SORCS2: variants seen among roughly 807,000 people sequenced by gnomAD.
SORCS2 encodes sortilin related VPS10 domain containing receptor 2, also known as VPS10 domain-containing receptor SorCS2.
A neutral mutation model predicts 141.6 loss-of-function variants in SORCS2; 100 were observed. The ratio of observed to expected loss-of-function variants is 0.71; its 90% confidence interval spans 0.60 to 0.83. The LOEUF (loss-of-function observed/expected upper bound fraction) is 0.83, where lower values mean the gene tolerates loss of function less well. Among genes scored for constraint, SORCS2 ranks in the 40% least tolerant of loss-of-function variants. The probability of loss-of-function intolerance (pLI) is 0.00; values close to 1 mark genes in which losing one functional copy is unlikely to be tolerated. For missense variants in SORCS2, 1,646 were observed against 1,560.2 expected (o/e 1.05, Z -0.93); for synonymous variants, 789 against 676.9 (o/e 1.17, Z -2.57).
At chr4:7,217,618 G>C (rs57861290) in intron 1 of SORCS2, among the ~76,000 whole-genome samples, 39,996 of 152,132 alleles carry the variant, frequency 0.26, 5,678 homozygotes, top group East Asian at 0.45. Flanking sequence ...TCCCCAGGGT[G>C]GGGCAGAGTG....
chr4:7,671,395 T>C (rs1216520980), intron 8 of SORCS2, among the ~76,000 whole-genome samples: 1 of 151,720 alleles, frequency 6.6e-6, no homozygotes, highest in Non-Finnish European at 1.5e-5. Flanking sequence ...AGATGGCAGA[T>C]CTACTAGACA....
chr4:7,193,180 C>T lies in SORCS2; in HGVS notation c.480+54C>T. On this transcript the variant is annotated intron_variant, in intron 1 of 26. Coordinates refer to ENST00000507866, the MANE Select transcript of SORCS2 (RefSeq NM_020777.3). The surrounding 1 kb of genome is among the most constrained non-coding windows in gnomAD (Gnocchi z 4.8). ...CCCCTACCCGGGACACCGCGGGACA[C>T]CCGGGCGGGACCGCCACGGCCCCCA... 7.0e-7 allele frequency: 1 copy of T among 1,424,832 alleles called. No individual in the cohort carries two copies. The allele number at this position is 1,424,832 out of a possible 1,614,324, so 88.3% of individuals were successfully genotyped here.
At chr4:7,291,167 T>C (rs3846424) in intron 1 of SORCS2, among the ~76,000 whole-genome samples, 112,974 of 151,980 alleles carry the variant, frequency 0.74, 42,053 homozygotes, top group Middle Eastern at 0.83. Flanking sequence ...TGAATAGAGG[T>C]GAGAGAAGGG....
chr4:7,642,093 C>T (rs1390723166), intron 4 of SORCS2, among the ~76,000 whole-genome samples: 2 of 152,116 alleles, frequency 1.3e-5, no homozygotes, highest in African/African-American at 4.8e-5. Flanking sequence ...AAATTTCTAC[C>T]AACAGGGACA....
intron 1 of SORCS2, among the ~76,000 whole-genome samples, chr4:7,231,062 A>G (rs1456442846): frequency 2.6e-5 from 4 of 152,240 alleles, no homozygotes; most frequent in Non-Finnish European, 5.9e-5. Context: ...TTTAATGTAT[A>G]TATTTTCATA....
intron 10 of SORCS2, among the ~76,000 whole-genome samples, chr4:7,688,498 A>G (rs1724011941): frequency 6.6e-6 from 1 of 152,202 alleles, no homozygotes. Context: ...GAAGGGCTGG[A>G]CCCCAGAGCT....
At chr4:7,718,534 T>G (rs1471068711) in intron 18 of SORCS2, among the ~76,000 whole-genome samples, 1 of 152,222 alleles carries the variant, frequency 6.6e-6, no homozygotes, top group Non-Finnish European at 1.5e-5. Flanking sequence ...GTAATACATT[T>G]TTAAAGCCTG....
At chr4:7,544,570 G>A (rs1177558502) in intron 3 of SORCS2, among the ~76,000 whole-genome samples, 1 of 152,246 alleles carries the variant, frequency 6.6e-6, no homozygotes, top group East Asian at 1.9e-4. Flanking sequence ...CCAGGGGTGA[G>A]CTCTCAGGGG....
chr4:7,736,690 CG>C (rs1161964039), intron 25 of SORCS2, among the ~76,000 whole-genome samples: 4 of 152,258 alleles, frequency 2.6e-5, no homozygotes, highest in Admixed American at 6.5e-5. Flanking sequence ...GTGCCTCCTG[CG>C]GGAATGTGTG....
At chr4:7,628,159 T>TG (rs1421597320) in intron 3 of SORCS2, among the ~76,000 whole-genome samples, 2 of 152,116 alleles carry the variant, frequency 1.3e-5, no homozygotes, top group African/African-American at 4.8e-5. Context: ...AGGTGGGGCT[T>TG]AGAAGGGCTG....
intron 2 of SORCS2, among the ~76,000 whole-genome samples, chr4:7,504,554 A>G (rs1385030123): frequency 6.6e-6 from 1 of 152,204 alleles, no homozygotes; most frequent in Non-Finnish European, 1.5e-5. Context: ...CAGTTCGCCC[A>G]TGGCTGTGGT....
At chr4:7,397,761 A>C (rs1436053064) in intron 2 of SORCS2, among the ~76,000 whole-genome samples, 2 of 152,142 alleles carry the variant, frequency 1.3e-5, no homozygotes, top group Admixed American at 1.3e-4. Context: ...TTTGGAGGCA[A>C]CACTCCTGGA....
At chr4:7,407,970 C>T (rs1725077037) in intron 2 of SORCS2, among the ~76,000 whole-genome samples, 1 of 152,066 alleles carries the variant, frequency 6.6e-6, no homozygotes, top group South Asian at 2.1e-4. Context: ...TTATCCTCAT[C>T]TCCCCCATAT....
intron 3 of SORCS2, among the ~76,000 whole-genome samples, chr4:7,553,123 A>G (rs140365606): frequency 3.3e-5 from 5 of 152,292 alleles, no homozygotes; most frequent in African/African-American, 9.6e-5. Context: ...ATGGCTGGGT[A>G]GCAGTATGAA....
chr4:7,716,545 A>ACCATCCATCAAT (rs1553806091), intron 17 of SORCS2, among the ~76,000 whole-genome samples: 2 of 151,250 alleles, frequency 1.3e-5, no homozygotes, highest in Non-Finnish European at 2.9e-5. Context: ...CTATTCATTC[A>ACCATCCATCAAT]CCATCCATCA....
At chr4:7,710,460 A>C (rs888415330) in intron 14 of SORCS2, among the ~76,000 whole-genome samples, 17 of 152,208 alleles carry the variant, frequency 1.1e-4, no homozygotes, top group African/African-American at 4.1e-4. Context: ...CACAGGCCAC[A>C]GGAGAGTGTG....
In SORCS2 at chr4:7,734,379, G is replaced by A; in HGVS notation, c.3311+5G>A. Reference sequence around the variant, plus strand: ...CATCCTCTACAAGTTCAAAAGGCAAGGCCCTTGGCTGCCCTCCTCTGCGGG... The same window carrying A: ...CATCCTCTACAAGTTCAAAAGGCAAAGCCCTTGGCTGCCCTCCTCTGCGGG... On this transcript the variant is annotated splice_donor_5th_base_variant and intron_variant, in intron 25 of 26. Transcript: ENST00000507866. 6.6e-7 allele frequency: 1 copy of A among 1,524,158 alleles called. No homozygotes were observed. Among genetic ancestry groups the A allele is most frequent in the Non-Finnish European group, 8.8e-7 (1 of 1,130,988 alleles). 94.4% of individuals were successfully genotyped at this position (1,524,158 alleles called of 1,614,324 possible).
intron 1 of SORCS2, among the ~76,000 whole-genome samples, chr4:7,386,682 C>T (rs1723362048): frequency 6.6e-6 from 1 of 151,130 alleles, no homozygotes; most frequent in African/African-American, 2.4e-5. Flanking sequence ...TAGGTACATG[C>T]ATGCACACAT....
intron 3 of SORCS2, among the ~76,000 whole-genome samples, chr4:7,606,385 C>T (rs1312937156): frequency 6.6e-6 from 1 of 152,134 alleles, no homozygotes; most frequent in African/African-American, 2.4e-5. Context: ...CCGTCAGACT[C>T]CAGCGACTTT....
Sources: gnomAD v4.1 joint callset for allele counts (sites outside exome capture counted in the v4.1 genomes callset) on GRCh38, gnomAD v4.1.1 for gene constraint, Gnocchi (gnomAD v3.1) non-coding constraint, MANE v1.5 for transcripts, NCBI Gene and HGNC (gene_info 2026-07-23, HGNC 2026-07-21) for gene names.